Variants in ITPKB observed in about 807,000 individuals in gnomAD.
ITPKB encodes the protein inositol-trisphosphate 3-kinase B, also known as IP3 3-kinase B.
A neutral mutation model predicts 69.4 loss-of-function variants in ITPKB; 13 were observed. The ratio of observed to expected loss-of-function variants is 0.19; its 90% CI spans 0.12 to 0.30. The LOEUF (loss-of-function observed/expected upper bound fraction) is 0.30. ITPKB is among the 10% of genes least tolerant of loss of function. The probability of loss-of-function intolerance (pLI) is 1.00; values close to 1 mark genes in which losing one functional copy is unlikely to be tolerated. For missense variants in ITPKB, 1,240 were observed against 1,250.5 expected, an observed-to-expected ratio of 0.99 and a Z score of 0.13; for synonymous variants, 584 against 513.7, an observed-to-expected ratio of 1.14 and a Z score of -1.85.
intron 2 of ITPKB, among the ~76,000 whole-genome samples, chr1:226,686,429 G>A (rs756866093): frequency 2.6e-5 from 4 of 152,184 alleles, no homozygotes; most frequent in Non-Finnish European, 4.4e-5. Context: ...AGCATTTCTT[G>A]TTAAGTGTCA....
At chr1:226,677,922 G>A (rs1426306232) in intron 2 of ITPKB, among the ~76,000 whole-genome samples, 4 of 152,322 alleles carry the variant, frequency 2.6e-5, no homozygotes, top group Non-Finnish European at 5.9e-5. Flanking sequence ...GAGACGAGGA[G>A]CTTCACCTTC....
intron 2 of ITPKB, among the ~76,000 whole-genome samples, chr1:226,722,006 T>G (rs1406678266): frequency 6.6e-6 from 1 of 151,728 alleles, no homozygotes; most frequent in African/African-American, 2.4e-5. Context: ...AGATACGGGA[T>G]TTCACCATGT....
chr1:226,689,569 TTGTGTGTGTGTGTGTG>T (rs10589027), intron 2 of ITPKB, among the ~76,000 whole-genome samples: 78 of 138,568 alleles, frequency 5.6e-4, no homozygotes, highest in African/African-American at 1.5e-3. Context: ...AAGGTTTTAT[TTGTGTGTGTGTGTGTG>T]TGTGTGTGTG....
At chr1:226,666,650 A>G (rs1194802765) in intron 2 of ITPKB, among the ~76,000 whole-genome samples, 1 of 151,738 alleles carries the variant, frequency 6.6e-6, no homozygotes, top group African/African-American at 2.4e-5. Flanking sequence ...CACCCTGACA[A>G]CTCTCCCTAC....
At chr1:226,667,892 T>C (rs1379547929) in intron 2 of ITPKB, among the ~76,000 whole-genome samples, 1 of 149,220 alleles carries the variant, frequency 6.7e-6, no homozygotes, top group Non-Finnish European at 1.5e-5. Context: ...TATTTCAGGA[T>C]TGAGAAAAGC....
chr1:226,670,029 C>T (rs1057116109), intron 2 of ITPKB, among the ~76,000 whole-genome samples: 1 of 151,544 alleles, frequency 6.6e-6, no homozygotes, highest in Non-Finnish European at 1.5e-5. Context: ...TGCACGCCAC[C>T]ATGCCTGGCT....
At chr1:226,638,950 G>A (rs1010806765) in intron 6 of ITPKB, among the ~76,000 whole-genome samples, 2 of 151,658 alleles carry the variant, frequency 1.3e-5, no homozygotes, top group African/African-American at 2.4e-5. Context: ...CCTACCCGCC[G>A]CACGCCAGGG....
At chr1:226,665,046 G>C (rs946672786) in intron 2 of ITPKB, among the ~76,000 whole-genome samples, 3 of 152,232 alleles carry the variant, frequency 2.0e-5, no homozygotes, top group African/African-American at 7.2e-5. Flanking sequence ...GACTCACCTT[G>C]TTTGGCTACA....
intron 2 of ITPKB, chr1:226,707,332 A>T (rs1656826303): frequency 5.1e-6 from 1 of 196,986 alleles, no homozygotes; most frequent in Non-Finnish European, 9.2e-6. Flanking sequence ...AGTAGCTGGG[A>T]TTACAGGTGC....
At chr1:226,729,233 C>A (rs1405264101) in intron 2 of ITPKB, among the ~76,000 whole-genome samples, 3 of 151,962 alleles carry the variant, frequency 2.0e-5, no homozygotes, top group African/African-American at 7.2e-5. Context: ...CCTGTAATCC[C>A]AGCACTTTGG....
intron 2 of ITPKB, among the ~76,000 whole-genome samples, chr1:226,675,438 G>A (rs998720109): frequency 6.6e-6 from 1 of 152,150 alleles, no homozygotes; most frequent in African/African-American, 2.4e-5. Context: ...TTTCCAGAAC[G>A]TCTCAGCACT....
chr1:226,732,884 T>A (rs1657634024), intron 2 of ITPKB, among the ~76,000 whole-genome samples: 2 of 152,168 alleles, frequency 1.3e-5, no homozygotes, highest in African/African-American at 4.8e-5. Flanking sequence ...AAGTGTCTGA[T>A]CCCTACTAAG....
chr1:226,736,628 T>C lies in ITPKB; in HGVS notation c.831A>G (p.Lys277=). 6.2e-7 allele frequency: 1 copy of C among 1,613,586 alleles called. No homozygotes were observed. The highest frequency in any genetic ancestry group is 8.5e-7 in the Non-Finnish European group (1 of 1,179,994). ...CGSPTAMEID[K]RGSPTPGTRS... ...GAGTTCCCGGGGTAGGAGAGCCCCT[T>C]TTGTCAATTTCCATAGCTGTGGGTG... Residue 277 remains lysine, a synonymous_variant, in exon 2 of 8, where the codon AAA becomes AAG. Transcript: ENST00000429204.
At chr1:226,712,642 C>T (rs3768404) in intron 2 of ITPKB, among the ~76,000 whole-genome samples, 35,298 of 152,144 alleles carry the variant, frequency 0.23, 5,087 homozygotes, top group South Asian at 0.38. Context: ...ACTCCCTGGA[C>T]GGCCTGTGAC....
chr1:226,651,770 G>A (rs1466745943), intron 2 of ITPKB, among the ~76,000 whole-genome samples: 1 of 152,170 alleles, frequency 6.6e-6, no homozygotes, highest in East Asian at 1.9e-4. Context: ...TAAAGACCAG[G>A]GGTCTAGAAA....
chr1:226,724,314 G>A (rs184735896), intron 2 of ITPKB, among the ~76,000 whole-genome samples: 88 of 152,208 alleles, frequency 5.8e-4, no homozygotes, highest in Non-Finnish European at 5.9e-5. Context: ...AAACCTCAAT[G>A]TCAAAGAGCT....
chr1:226,719,272 A>G (rs1657170564), intron 2 of ITPKB, among the ~76,000 whole-genome samples: 1 of 152,176 alleles, frequency 6.6e-6, no homozygotes, highest in Non-Finnish European at 1.5e-5. Context: ...GAGCGGGACA[A>G]AACAAAACAA....
At chr1:226,671,762 CA>C (rs1669622283) in intron 2 of ITPKB, among the ~76,000 whole-genome samples, 2 of 152,256 alleles carry the variant, frequency 1.3e-5, no homozygotes, top group South Asian at 4.1e-4. Flanking sequence ...GCACTGCAGA[CA>C]GAGGGAGCGG....
chr1:226,651,774 C>T (rs995314260), intron 2 of ITPKB, among the ~76,000 whole-genome samples: 2 of 152,166 alleles, frequency 1.3e-5, no homozygotes, highest in South Asian at 2.1e-4. Context: ...GACCAGGGGT[C>T]TAGAAAGGAG....
Sources: gnomAD v4.1 joint callset for allele counts (sites outside exome capture counted in the v4.1 genomes callset) on GRCh38, gnomAD v4.1.1 for gene constraint, MANE v1.5 for transcripts, NCBI Gene and HGNC (gene_info 2026-07-23, HGNC 2026-07-21) for gene names.